The following NRK variants were observed in gnomAD, a reference collection of about 807,000 sequenced individuals.
The protein encoded by NRK is nik-related protein kinase.
In NRK, 67 loss-of-function variants were observed where a neutral mutation model predicts 125.2. The ratio of observed to expected loss-of-function variants is 0.54; its 90% CI spans 0.44 to 0.66. NRK has a LOEUF of 0.66. Ranked by LOEUF, NRK falls within the 30% of genes least tolerant of loss-of-function variation. The probability of loss-of-function intolerance (pLI) is 0.00; values close to 1 mark genes in which losing one functional copy is unlikely to be tolerated. For missense variants in NRK, 1,224 were observed against 1,192.9 expected (o/e 1.03, Z -0.38); for synonymous variants, 458 against 429.0 (o/e 1.07, Z -0.84).
intron 16 of NRK, among the ~76,000 whole-genome samples, chrX:105,921,600 G>A (rs1176761250): frequency 9.1e-6 from 1 of 109,640 alleles, no homozygotes; most frequent in African/African-American, 3.3e-5. Context: ...GAGGCCAGTG[G>A]TACTCCCAGT....
intron 4 of NRK, 83 bp downstream of exon 4, chrX:105,881,862 A>G (rs1023946599): frequency 1.7e-4 from 90 of 532,893 alleles, no homozygotes; most frequent in Non-Finnish European, 1.3e-5. Context: ...GCATTGTGTC[A>G]TTATCTCTAG....
At chrX:105,935,818 T>C (rs1028143174) in intron 21 of NRK, among the ~76,000 whole-genome samples, 2 of 106,041 alleles carry the variant, frequency 1.9e-5, no homozygotes, top group African/African-American at 6.8e-5. Flanking sequence ...ATATTTTATA[T>C]ATATATATAT....
intron 26 of NRK, among the ~76,000 whole-genome samples, chrX:105,947,814 CAT>C (rs763916174): frequency 2.7e-5 from 3 of 112,326 alleles, no homozygotes; most frequent in Non-Finnish European, 3.8e-5. Context: ...AGAATTGTCT[CAT>C]ATGTCTCTAA....
At chrX:105,836,406 C>T (rs1569287840) in intron 2 of NRK, among the ~76,000 whole-genome samples, 1 of 111,817 alleles carries the variant, frequency 8.9e-6, no homozygotes, top group East Asian at 2.8e-4. Context: ...CAAGTACAAA[C>T]TTCCTTGTTA....
intron 19 of NRK, among the ~76,000 whole-genome samples, chrX:105,930,982 C>A (rs1008573341): frequency 1.8e-5 from 2 of 111,922 alleles, no homozygotes; most frequent in African/African-American, 6.5e-5. Flanking sequence ...AGGAATTTGC[C>A]CTCCAGTGTT....
At chrX:105,951,883 A>G (rs1463171342) in intron 27 of NRK, among the ~76,000 whole-genome samples, 2 of 112,839 alleles carry the variant, frequency 1.8e-5, no homozygotes, top group African/African-American at 6.4e-5. Flanking sequence ...TTTTTGATCT[A>G]TGTTGTTGTT....
At position 105,909,162 on chromosome X, in the gene NRK, A is replaced by G. The variant is rs775055992; in HGVS notation, c.1521A>G (p.Thr507=). The G allele has an allele frequency of 8.3e-7, 1 of 1,209,570 alleles. No homozygotes were observed. ...VSKKQQAQTQ[T]SEPQDLDQVP... is the part of the protein sequence containing the mutation. Reference sequence around the variant, plus strand: ...AAAAGCAGCAGGCCCAGACCCAGACATCAGAACCACAAGATTTGGACCAGG... The same window carrying G: ...AAAAGCAGCAGGCCCAGACCCAGACGTCAGAACCACAAGATTTGGACCAGG... Residue 507 remains threonine (T), a synonymous_variant, in exon 13 of 29, where the codon ACA becomes ACG. Coordinates refer to ENST00000243300, the MANE Select transcript of NRK (RefSeq NM_198465.4).
At chrX:105,838,902 C>A (rs960881435) in intron 2 of NRK, among the ~76,000 whole-genome samples, 1 of 110,515 alleles carries the variant, frequency 9.0e-6, no homozygotes, top group Non-Finnish European at 1.9e-5. Context: ...AATTTCGTTT[C>A]AAAACAATGC....
At position 105,908,281 on chromosome X, in the gene NRK, C is replaced by T; in HGVS notation, c.1063C>T (p.Gln355Ter). The T allele has an allele frequency of 9.2e-7, 1 of 1,087,957 alleles. No homozygotes were observed. Among genetic ancestry groups the T allele is most frequent in the African/African-American group, 1.9e-5 (1 of 53,338 alleles). The allele number at this position is 1,087,957 out of a possible 1,213,427, so 89.7% of individuals were successfully genotyped here. ...TGAAAGAGAAGAAGCTATTAAGGAA[C>T]AGTACACCGTGAGAAGATTCAGGTG... ...IFEREEAIKE[Q>*]YTVRRFRGPS... The change falls in exon 12 of 29, where the codon CAG (glutamine) becomes TAG (stop). Residue 355 changes from glutamine (Q) to a stop codon, truncating the protein, a stop_gained. Coordinates refer to ENST00000243300, the MANE Select transcript of NRK (RefSeq NM_198465.4). LOFTEE classifies it high-confidence loss of function.
rs1342166364 is a variant in NRK, at chrX:105,957,470, AATTC to A, written c.*1874_*1877del. On this transcript the variant is annotated 3_prime_UTR_variant, in exon 29 of 29. Transcript: ENST00000243300. ...AGTGTGTAGAATCAAGTCTTTTAAT[AATTC>A]ATTTTTTCTTCATAATATTTACTCA... 8.9e-6 allele frequency: 1 copy of A among 111,797 alleles called. No homozygotes were observed. Among genetic ancestry groups the A allele is most frequent in the African/African-American group, 3.3e-5 (1 of 30,691 alleles). The allele number at this position is 111,797 out of a possible 1,213,427, so 9.2% of individuals were successfully genotyped here.
chrX:105,904,092 C>T (rs1315547516), intron 9 of NRK, among the ~76,000 whole-genome samples: 1 of 111,601 alleles, frequency 9.0e-6, no homozygotes, highest in Non-Finnish European at 1.9e-5. Context: ...CAGTTTGTCA[C>T]TTTAGGTATT....
At chrX:105,876,437 C>T (rs1364105805) in intron 2 of NRK, among the ~76,000 whole-genome samples, 1 of 110,312 alleles carries the variant, frequency 9.1e-6, no homozygotes, top group African/African-American at 3.3e-5. Flanking sequence ...ATTCTTTGTA[C>T]TCAAACTCTA....
At chrX:105,880,935 G>A (rs2039876966) in intron 3 of NRK, among the ~76,000 whole-genome samples, 1 of 111,245 alleles carries the variant, frequency 9.0e-6, no homozygotes, top group South Asian at 3.7e-4. Flanking sequence ...ATACCCTAAA[G>A]GGAAATTTGT....
chrX:105,871,220 G>A (rs1569297514), intron 2 of NRK, among the ~76,000 whole-genome samples: 5 of 111,548 alleles, frequency 4.5e-5, no homozygotes, highest in African/African-American at 9.8e-5. Context: ...CCCTCTGACC[G>A]TGACTAGCTT....
At chrX:105,858,687 T>G (rs1350106552) in intron 2 of NRK, among the ~76,000 whole-genome samples, 1 of 110,728 alleles carries the variant, frequency 9.0e-6, no homozygotes. Flanking sequence ...GTGGCCTGAT[T>G]TGGGGGAAGG....
At chrX:105,888,542 T>A in intron 5 of NRK, 123 bp downstream of exon 5, 2 of 579,806 alleles carry the variant, frequency 3.4e-6, no homozygotes, top group East Asian at 3.9e-5. Context: ...GTTAAGGTAG[T>A]ATGGTGTATT....
At position 105,878,328 on chromosome X, in the gene NRK, C is replaced by A. The variant is rs755720562; in HGVS notation, c.124-1871C>A. Among the ~76,000 whole-genome samples, 224 of 110,759 alleles carry A rather than the reference C, an allele frequency of 2.0e-3. 1 individual carries two copies. The Middle Eastern group carries it at 0.028, about 14-fold the overall frequency. On this transcript the variant is annotated intron_variant, in intron 2 of 28. Transcript: ENST00000243300. ...AAGTTCAGGTGTCATTACAATCCTA[C>A]GAAAAAGAACAGTTTAAAACTGTTT... is the stretch of plus-strand genomic sequence containing the variant.
intron 3 of NRK, among the ~76,000 whole-genome samples, chrX:105,880,461 C>G (rs1361744814): frequency 9.0e-6 from 1 of 110,970 alleles, no homozygotes; most frequent in African/African-American, 3.3e-5. Flanking sequence ...CCACATAAAA[C>G]AATGCTTCTT....
chrX:105,877,585 CA>C (rs2039831449), intron 2 of NRK, among the ~76,000 whole-genome samples: 1 of 110,531 alleles, frequency 9.0e-6, no homozygotes, highest in African/African-American at 3.3e-5. Context: ...AGTCAAGGTA[CA>C]GGGGGAACTC....
Sources: gnomAD v4.1 joint callset for allele counts (sites outside exome capture counted in the v4.1 genomes callset) on GRCh38, gnomAD v4.1.1 for gene constraint, MANE v1.5 for transcripts, NCBI Gene and HGNC (gene_info 2026-07-23, HGNC 2026-07-21) for gene names.